RAB11FIP4: variants seen among roughly 807,000 people sequenced by gnomAD.
The protein encoded by RAB11FIP4 is rab11 family-interacting protein 4.
Under a neutral mutation model 74.3 loss-of-function variants are expected in RAB11FIP4, and 23 were observed. The ratio of observed to expected loss-of-function variants is 0.31; its 90% CI spans 0.22 to 0.44. The LOEUF is 0.44. Ranked by LOEUF, RAB11FIP4 falls within the 20% of genes least tolerant of loss-of-function variation. The pLI, the probability that RAB11FIP4 is intolerant of heterozygous loss-of-function variation, is 1.00. For synonymous variants in RAB11FIP4, 360 were observed against 359.9 expected, an observed-to-expected ratio of 1.00 and a Z score of 0.00; for missense variants, 630 against 863.9, an observed-to-expected ratio of 0.73 and a Z score of 3.39.
In RAB11FIP4 at chr17:31,522,011, T is replaced by C. The variant is rs1470016729; in HGVS notation, c.855T>C (p.Asn285=). The change falls in exon 6 of 15, where the codon AAT becomes AAC. Residue 285 remains asparagine, a synonymous_variant. Transcript: ENST00000621161. The part of the protein sequence containing the change: ...SQCCKKINLL[N]DLEARLKNLK... The stretch of plus-strand genomic sequence containing the variant: ...GCTGCAAGAAAATCAACCTGCTCAA[T>C]GACTTGGAAGCCCGACTGAAAAACC... 3.1e-6 allele frequency: 5 copies of C among 1,614,120 alleles called. No individual in the cohort carries two copies. The East Asian group carries it at 6.7e-5, about 22-fold the overall frequency.
chr17:31,513,689 GTTATAA>G lies in RAB11FIP4; in HGVS notation c.337-3958_337-3953del, dbSNP rs201206638. ...GCAAACTACTAGAAATGGTTTTAAAGTTATAATTAAAATTTCCGATTGCCTTGGACA... is the reference window on the plus strand; with the variant it reads ...GCAAACTACTAGAAATGGTTTTAAAGTTAAAATTTCCGATTGCCTTGGACA... On this transcript the variant is annotated intron_variant, in intron 3 of 14. Transcript: ENST00000621161. Among the ~76,000 whole-genome samples the G allele has an allele frequency of 6.0e-3, 912 of 152,352 alleles. 8 individuals are homozygous for G. Among genetic ancestry groups the G allele is most frequent in the African/African-American group, 0.021 (856 of 41,578 alleles).
intron 1 of RAB11FIP4, among the ~76,000 whole-genome samples, chr17:31,404,946 A>G (rs4795608): frequency 0.27 from 41,636 of 152,034 alleles, 6,890 homozygotes; most frequent in Admixed American, 0.44. Flanking sequence ...ACCTGTGCAG[A>G]GGCCCACCTG....
intron 1 of RAB11FIP4, among the ~76,000 whole-genome samples, chr17:31,426,736 C>T (rs2071254982): frequency 6.6e-6 from 1 of 151,422 alleles, no homozygotes; most frequent in Admixed American, 6.6e-5. Context: ...GTAGCTGGGA[C>T]TACAGGTGCA....
intron 3 of RAB11FIP4, among the ~76,000 whole-genome samples, chr17:31,437,524 G>A (rs2071371045): frequency 6.6e-6 from 1 of 152,114 alleles, no homozygotes; most frequent in South Asian, 2.1e-4. Context: ...ATGCCCCCAG[G>A]GAACGCAAAC....
chr17:31,501,534 T>C (rs2072220871), intron 3 of RAB11FIP4, among the ~76,000 whole-genome samples: 1 of 152,238 alleles, frequency 6.6e-6, no homozygotes, highest in Admixed American at 6.5e-5. Flanking sequence ...TTGGTTTGGT[T>C]TGGTTTTTCT....
At chr17:31,530,567 C>A in intron 14 of RAB11FIP4, 98 bp downstream of exon 14, 3 of 1,475,548 alleles carry the variant, frequency 2.0e-6, no homozygotes, top group Non-Finnish European at 2.8e-6. Flanking sequence ...CAGACCAGGG[C>A]CTGGCAGAGA....
chr17:31,485,285 C>A (rs1184902728), intron 3 of RAB11FIP4, among the ~76,000 whole-genome samples: 1 of 152,170 alleles, frequency 6.6e-6, no homozygotes, highest in African/African-American at 2.4e-5. Flanking sequence ...AGGACAAGTA[C>A]CTGCAGACAT....
chr17:31,516,595 G>T (rs200439597), intron 3 of RAB11FIP4, among the ~76,000 whole-genome samples: 1 of 152,280 alleles, frequency 6.6e-6, no homozygotes, highest in East Asian at 1.9e-4. Context: ...TCAGCCTCCC[G>T]AGTAGCTGGG....
chr17:31,466,457 C>T (rs1438085987), intron 3 of RAB11FIP4, among the ~76,000 whole-genome samples: 3 of 152,130 alleles, frequency 2.0e-5, no homozygotes, highest in African/African-American at 7.2e-5. Context: ...TAGTGTCTAT[C>T]GCATAGTTAT....
At chr17:31,423,199 G>A (rs541341916) in intron 1 of RAB11FIP4, among the ~76,000 whole-genome samples, 4 of 152,292 alleles carry the variant, frequency 2.6e-5, no homozygotes, top group Non-Finnish European at 4.4e-5. Flanking sequence ...GATTACAGGC[G>A]TGAGCCACCG....
At chr17:31,439,554 C>T (rs760734702) in intron 3 of RAB11FIP4, among the ~76,000 whole-genome samples, 2 of 152,164 alleles carry the variant, frequency 1.3e-5, no homozygotes, top group Admixed American at 6.6e-5. Flanking sequence ...TGCCCATTTT[C>T]GATATGGTTG....
intron 3 of RAB11FIP4, among the ~76,000 whole-genome samples, chr17:31,490,183 T>C (rs2071981693): frequency 6.6e-6 from 1 of 152,154 alleles, no homozygotes; most frequent in South Asian, 2.1e-4. Flanking sequence ...GTGCCACTTC[T>C]AAAGCATGCT....
At chr17:31,392,097 C>G in intron 1 of RAB11FIP4, 86 bp downstream of exon 1, 2 of 1,055,948 alleles carry the variant, frequency 1.9e-6, no homozygotes, top group Non-Finnish European at 2.4e-6. Flanking sequence ...GGGTCACCCG[C>G]GTGGCCCGAG....
At chr17:31,409,014 T>C (rs532904206) in intron 1 of RAB11FIP4, among the ~76,000 whole-genome samples, 55 of 152,238 alleles carry the variant, frequency 3.6e-4, no homozygotes, top group African/African-American at 1.3e-3. Context: ...ATGGACCAGA[T>C]GAAACATGCA....
At chr17:31,442,251 G>A (rs1307924408) in intron 3 of RAB11FIP4, among the ~76,000 whole-genome samples, 3 of 151,966 alleles carry the variant, frequency 2.0e-5, no homozygotes, top group East Asian at 1.9e-4. Flanking sequence ...CACCTGCCTC[G>A]GCCTCCCAAA....
chr17:31,435,776 G>A (rs995366317), intron 3 of RAB11FIP4, among the ~76,000 whole-genome samples: 2 of 152,196 alleles, frequency 1.3e-5, no homozygotes, highest in African/African-American at 4.8e-5. Context: ...CCAAGTCCAT[G>A]GTGGCAGAGA....
Position 31,531,858 on chromosome 17 carries a change from C to T in RAB11FIP4, c.*126C>T. ...ATGTCTCTCTGGCCACCATGCGTTA[C>T]GTGTACCCGTGTATATGTGGGGAGG... On this transcript the variant is annotated 3_prime_UTR_variant, in exon 15 of 15. Coordinates refer to ENST00000621161, the MANE Select transcript of RAB11FIP4 (RefSeq NM_032932.6). 1.4e-5 allele frequency: 10 copies of T among 690,214 alleles called. No individual in the cohort carries two copies. Among genetic ancestry groups the T allele is most frequent in the Admixed American group, 2.2e-5 (1 of 44,846 alleles). The allele number at this position is 690,214 out of a possible 1,614,324, so 42.8% of individuals were successfully genotyped here.
chr17:31,450,542 A>C (rs2071516657), intron 3 of RAB11FIP4, among the ~76,000 whole-genome samples: 1 of 151,684 alleles, frequency 6.6e-6, no homozygotes, highest in South Asian at 2.1e-4. Context: ...ATGGGGTTTC[A>C]CCATGTTGCC....
chr17:31,415,666 G>A (rs552775445), intron 1 of RAB11FIP4, among the ~76,000 whole-genome samples: 9 of 152,196 alleles, frequency 5.9e-5, no homozygotes, highest in African/African-American at 1.7e-4. Context: ...AACTGAGGCC[G>A]AGAGAGGGGA....
Sources: allele counts gnomAD v4.1 joint callset (sites outside exome capture counted in the v4.1 genomes callset), GRCh38; gene constraint gnomAD v4.1.1; transcripts MANE v1.5; gene names NCBI Gene and HGNC (gene_info 2026-07-23, HGNC 2026-07-21).